CCDC171: variants seen among roughly 807,000 people sequenced by gnomAD.
The protein encoded by CCDC171 is coiled-coil domain containing 171.
In CCDC171, 177 loss-of-function variants were observed where a neutral mutation model predicts 168.2. That is an observed-to-expected ratio of 1.05 (90% CI 0.93 to 1.19). The LOEUF is 1.19. Ranked by LOEUF, CCDC171 falls within the 50% of genes most tolerant of loss-of-function variation. The pLI, the probability that CCDC171 is intolerant of heterozygous loss-of-function variation, is 0.00. For missense variants in CCDC171, 1,991 were observed against 1,539.0 expected (o/e 1.29, Z -4.91); for synonymous variants, 687 against 540.8 (o/e 1.27, Z -3.75).
intron 11 of CCDC171, among the ~76,000 whole-genome samples, chr9:15,709,412 G>C (rs910537076): frequency 2.6e-5 from 4 of 152,052 alleles, no homozygotes; most frequent in African/African-American, 9.7e-5. Context: ...ATAAAATGCA[G>C]AGGAAAAGAA....
chr9:15,952,215 C>G (rs1468542149), intron 25 of CCDC171, among the ~76,000 whole-genome samples: 2 of 152,088 alleles, frequency 1.3e-5, no homozygotes, highest in Non-Finnish European at 2.9e-5. Flanking sequence ...CTTCTGAGCT[C>G]TCTATTCTGT....
chr9:15,772,808 C>A (rs984845719), intron 18 of CCDC171, among the ~76,000 whole-genome samples: 5 of 150,780 alleles, frequency 3.3e-5, no homozygotes, highest in African/African-American at 9.7e-5. Flanking sequence ...GAGAAGAGTG[C>A]GTCTTAGATA....
the CCDC171 span, among the ~76,000 whole-genome samples, chr9:16,091,165 G>T: frequency 6.6e-6 from 1 of 152,138 alleles, no homozygotes; most frequent in African/African-American, 2.4e-5. Context: ...CTAGGCCTCA[G>T]AATGTGTCCT....
chr9:15,636,154 G>GTA lies in CCDC171; in HGVS notation c.822+12755_822+12756dup, dbSNP rs113221357. Among the ~76,000 whole-genome samples the GTA allele has an allele frequency of 2.9e-3, 440 of 150,258 alleles. 3 individuals are homozygous for GTA. The highest frequency in any genetic ancestry group is 0.017 in the Admixed American group (254 of 15,050). Reference sequence around the variant, plus strand: ...TTTAAAAATGGATTATTTGTACTATGTATATATATATATATCTATAAGATG... The same window carrying GTA: ...TTTAAAAATGGATTATTTGTACTATGTATATATATATATATATCTATAAGATG... On this transcript the variant is annotated intron_variant, in intron 7 of 25. Coordinates refer to ENST00000380701, the MANE Select transcript of CCDC171 (RefSeq NM_173550.4).
chr9:15,745,770 ATTG>A (rs997075567), intron 18 of CCDC171, 139 bp downstream of exon 18: 1 of 479,494 alleles, frequency 2.1e-6, no homozygotes, highest in African/African-American at 2.0e-5. Flanking sequence ...TCATAGAGAG[ATTG>A]TTAACTCTGT....
At chr9:15,686,097 G>T (rs1341913215) in intron 10 of CCDC171, among the ~76,000 whole-genome samples, 1 of 152,134 alleles carries the variant, frequency 6.6e-6, no homozygotes, top group Non-Finnish European at 1.5e-5. Context: ...ATACTTGAAA[G>T]AGAATTATTT....
intron 1 of CCDC171, among the ~76,000 whole-genome samples, chr9:15,562,403 C>G (rs554242047): frequency 6.6e-6 from 1 of 152,082 alleles, no homozygotes; most frequent in Non-Finnish European, 1.5e-5. Flanking sequence ...TTGCTGTATT[C>G]TCCTGGTTAT....
chr9:15,656,064 A>G (rs1169458761), intron 7 of CCDC171, among the ~76,000 whole-genome samples: 1 of 152,188 alleles, frequency 6.6e-6, no homozygotes, highest in African/African-American at 2.4e-5. Context: ...TGACGCCTGT[A>G]ATCCTAGCAC....
chr9:15,791,237 T>A (rs1176599902), intron 21 of CCDC171, among the ~76,000 whole-genome samples: 4 of 152,180 alleles, frequency 2.6e-5, no homozygotes, highest in Non-Finnish European at 5.9e-5. Flanking sequence ...GAGCATGGAA[T>A]GTTCTTCCAT....
At chr9:15,623,470 C>CGCGCGCGT in intron 7 of CCDC171, 57 bp downstream of exon 7, 7 of 753,628 alleles carry the variant, frequency 9.3e-6, no homozygotes, top group Admixed American at 5.4e-5. Flanking sequence ...CATATGCGCG[C>CGCGCGCGT]GCGCGCACAC....
the CCDC171 span, among the ~76,000 whole-genome samples, chr9:16,077,563 T>C: frequency 6.6e-6 from 1 of 152,120 alleles, no homozygotes; most frequent in Non-Finnish European, 1.5e-5. Context: ...AAACACCTGA[T>C]CCAAGTGCTC....
intron 24 of CCDC171, among the ~76,000 whole-genome samples, chr9:15,904,783 C>T (rs1190909886): frequency 6.6e-5 from 10 of 151,772 alleles, no homozygotes; most frequent in Non-Finnish European, 1.2e-4. Flanking sequence ...AGCCATCTCA[C>T]GTGCAGAGAC....
intron 16 of CCDC171, 148 bp downstream of exon 16, chr9:15,729,946 TACAC>T (rs935134509): frequency 3.9e-5 from 22 of 566,022 alleles, no homozygotes; most frequent in African/African-American, 5.5e-5. Context: ...TTTGTTTAGA[TACAC>T]ACACATACGT....
intron 21 of CCDC171, among the ~76,000 whole-genome samples, chr9:15,830,780 T>A (rs1224623378): frequency 6.6e-6 from 1 of 152,168 alleles, no homozygotes; most frequent in Non-Finnish European, 1.5e-5. Context: ...TTTCAAACAC[T>A]GGTTAAGAGT....
the CCDC171 span, among the ~76,000 whole-genome samples, chr9:16,087,693 T>A: frequency 2.6e-5 from 4 of 152,028 alleles, no homozygotes; most frequent in African/African-American, 9.7e-5. Context: ...TCTTGACTCT[T>A]TATCCAATTT....
intron 25 of CCDC171, among the ~76,000 whole-genome samples, chr9:15,935,054 G>A (rs925514186): frequency 3.9e-5 from 6 of 152,084 alleles, no homozygotes; most frequent in South Asian, 2.1e-4. Context: ...TTTCATTCTG[G>A]GGTGATGAAA....
intron 16 of CCDC171, among the ~76,000 whole-genome samples, chr9:15,740,172 A>AT (rs982104177): frequency 1.3e-5 from 2 of 151,632 alleles, no homozygotes; most frequent in South Asian, 2.1e-4. Context: ...CTGTGGTTTC[A>AT]TTTTTTTTAC....
chr9:16,047,295 T>G (rs1328299), intron 1 of CCDC171, among the ~76,000 whole-genome samples: 94,833 of 151,932 alleles, frequency 0.62, 33,553 homozygotes, highest in East Asian at 0.84. Flanking sequence ...CTCTTTCCAG[T>G]TGATGGTCCA....
At chr9:15,981,288 A>T (rs1184516933) in intron 3 of CCDC171, among the ~76,000 whole-genome samples, 1 of 148,924 alleles carries the variant, frequency 6.7e-6, no homozygotes, top group Non-Finnish European at 1.5e-5. Flanking sequence ...ATATGCAAAG[A>T]GAGAAAAAGA....
Sources: allele counts gnomAD v4.1 joint callset (sites outside exome capture counted in the v4.1 genomes callset), GRCh38; gene constraint gnomAD v4.1.1; transcripts MANE v1.5; gene names NCBI Gene and HGNC (gene_info 2026-07-23, HGNC 2026-07-21).